CSMD1: variants seen among roughly 807,000 people sequenced by gnomAD.
CSMD1 encodes CUB and Sushi multiple domains 1, also known as CUB and sushi domain-containing protein 1.
Under a neutral mutation model 417.5 loss-of-function variants are expected in CSMD1, and 213 were observed. The ratio of observed to expected loss-of-function variants is 0.51; its 90% CI spans 0.46 to 0.57. The LOEUF is 0.57. Ranked by LOEUF, CSMD1 falls within the 20% of genes least tolerant of loss-of-function variation. The pLI is 0.00. For missense variants in CSMD1, 6,923 were observed against 4,529.7 expected (o/e 1.53, Z -15.17); for synonymous variants, 2,862 against 1,736.8 (o/e 1.65, Z -16.11).
chr8:3,277,093 A>G (rs771536737), intron 26 of CSMD1, among the ~76,000 whole-genome samples: 1 of 152,100 alleles, frequency 6.6e-6, no homozygotes, highest in South Asian at 2.1e-4. Context: ...TGTAACAGGA[A>G]CACACATCCA....
intron 5 of CSMD1, among the ~76,000 whole-genome samples, chr8:3,791,642 G>A (rs1211315742): frequency 6.6e-6 from 1 of 152,090 alleles, no homozygotes; most frequent in Non-Finnish European, 1.5e-5. Context: ...TGGTCAGCAT[G>A]GCAAAAACCC....
chr8:3,014,008 G>C (rs1808630490), intron 52 of CSMD1, among the ~76,000 whole-genome samples: 1 of 152,040 alleles, frequency 6.6e-6, no homozygotes, highest in Non-Finnish European at 1.5e-5. Flanking sequence ...TCTACACTAT[G>C]AACTCAGAAT....
At chr8:4,977,026 TTA>T (rs1336267630) in intron 1 of CSMD1, among the ~76,000 whole-genome samples, 1 of 152,188 alleles carries the variant, frequency 6.6e-6, no homozygotes, top group Non-Finnish European at 1.5e-5. Flanking sequence ...ACTGACCATA[TTA>T]TGTGTTGGCA....
At chr8:4,687,089 G>C (rs1385016993) in intron 1 of CSMD1, among the ~76,000 whole-genome samples, 1 of 152,224 alleles carries the variant, frequency 6.6e-6, no homozygotes, top group African/African-American at 2.4e-5. Flanking sequence ...CCCCTGTGCA[G>C]GCTAACTCTG....
chr8:4,360,775 T>C (rs1801711491), intron 3 of CSMD1, among the ~76,000 whole-genome samples: 2 of 151,712 alleles, frequency 1.3e-5, no homozygotes, highest in South Asian at 4.1e-4. Flanking sequence ...ACTACAGGTG[T>C]GAGCCACTGC....
At chr8:4,302,272 G>T (rs1008035484) in intron 3 of CSMD1, among the ~76,000 whole-genome samples, 1 of 152,270 alleles carries the variant, frequency 6.6e-6, no homozygotes. Context: ...TGGGAAAATA[G>T]GTAAGAGATA....
chr8:4,820,156 G>T (rs1369111790), intron 1 of CSMD1, among the ~76,000 whole-genome samples: 1 of 152,088 alleles, frequency 6.6e-6, no homozygotes, highest in African/African-American at 2.4e-5. Flanking sequence ...TCTGTGAAGG[G>T]AGAGCTACTC....
chr8:2,990,157 G>C (rs989464089), intron 54 of CSMD1, among the ~76,000 whole-genome samples: 5 of 152,216 alleles, frequency 3.3e-5, no homozygotes, highest in African/African-American at 1.2e-4. Context: ...ACAAGGAAGA[G>C]AAAAGAGTTT....
At chr8:3,130,348 C>T (rs557890094) in intron 41 of CSMD1, among the ~76,000 whole-genome samples, 6 of 152,150 alleles carry the variant, frequency 3.9e-5, no homozygotes, top group Admixed American at 1.3e-4. Context: ...TACAGCCAGA[C>T]GAGGCGATGC....
chr8:3,594,247 A>G (rs1800989890), intron 8 of CSMD1, among the ~76,000 whole-genome samples: 1 of 152,192 alleles, frequency 6.6e-6, no homozygotes, highest in Non-Finnish European at 1.5e-5. Flanking sequence ...ATGAGCTGCT[A>G]GTGTAAGAGA....
intron 6 of CSMD1, among the ~76,000 whole-genome samples, chr8:3,709,198 C>G (rs182194964): frequency 1.3e-5 from 2 of 148,352 alleles, no homozygotes; most frequent in East Asian, 4.0e-4. Context: ...GGGGATGCAT[C>G]TTGTGATTAT....
At position 4,388,974 on chromosome 8, in the gene CSMD1, G is replaced by C. The variant is rs930890728; in HGVS notation, c.415+30979C>G. 4.6e-5 allele frequency among the ~76,000 whole-genome samples: 7 copies of C among 152,234 alleles called. No homozygotes were observed. The East Asian group carries it at 1.2e-3, about 25-fold the overall frequency. On this transcript the variant is annotated intron_variant, in intron 3 of 69. Transcript: ENST00000635120. Reference sequence around the variant, plus strand: ...TCTACGTCTCTTACCTCACACACTTGTAACATAACATGTTCTTTGTAATTG... The same window carrying C: ...TCTACGTCTCTTACCTCACACACTTCTAACATAACATGTTCTTTGTAATTG...
intron 44 of CSMD1, among the ~76,000 whole-genome samples, chr8:3,108,046 T>C (rs978593431): frequency 1.3e-5 from 2 of 152,214 alleles, no homozygotes; most frequent in African/African-American, 4.8e-5. Context: ...ACCATTTAAA[T>C]AAACACACTT....
intron 5 of CSMD1, among the ~76,000 whole-genome samples, chr8:3,814,739 G>C (rs1801281597): frequency 6.6e-6 from 1 of 152,276 alleles, no homozygotes; most frequent in Non-Finnish European, 1.5e-5. Flanking sequence ...ACTTAGGTAT[G>C]AATCCACAAC....
In CSMD1 at chr8:4,815,149, T is replaced by C. The variant is rs559724961; in HGVS notation, c.86-177591A>G. ...CATCTAGGTCAATATCAGGAAGAGT[T>C]GGAACGTGTAATAATGAATGTCTCC... On this transcript the variant is annotated intron_variant, in intron 1 of 69. Transcript: ENST00000635120. Among the ~76,000 whole-genome samples, 422 of 152,240 alleles carry C rather than the reference T, an allele frequency of 2.8e-3. 1 individual carries two copies. The highest frequency in any genetic ancestry group is 6.1e-3 in the Admixed American group (93 of 15,302).
chr8:3,448,571 G>C (rs978211360), intron 12 of CSMD1, among the ~76,000 whole-genome samples: 4 of 152,088 alleles, frequency 2.6e-5, no homozygotes, highest in Admixed American at 2.0e-4. Flanking sequence ...GTTTGTAGGA[G>C]TTGCTGTAAG....
At chr8:4,053,748 C>G (rs1156417626) in intron 3 of CSMD1, among the ~76,000 whole-genome samples, 4 of 152,038 alleles carry the variant, frequency 2.6e-5, no homozygotes, top group African/African-American at 9.7e-5. Flanking sequence ...TGAATTTCCT[C>G]TGGATATGAT....
intron 1 of CSMD1, among the ~76,000 whole-genome samples, chr8:4,977,474 C>T (rs1051968318): frequency 1.3e-5 from 2 of 152,274 alleles, no homozygotes; most frequent in East Asian, 1.9e-4. Context: ...GAAAGAAGGT[C>T]TCATCTCTTC....
At chr8:3,993,809 T>C (rs1814944795) in intron 5 of CSMD1, among the ~76,000 whole-genome samples, 1 of 152,210 alleles carries the variant, frequency 6.6e-6, no homozygotes, top group African/African-American at 2.4e-5. Flanking sequence ...TTTGTTTCAC[T>C]TGCATTATTT....
Sources: allele counts gnomAD v4.1 joint callset (sites outside exome capture counted in the v4.1 genomes callset), GRCh38; gene constraint gnomAD v4.1.1; transcripts MANE v1.5; gene names NCBI Gene and HGNC (gene_info 2026-07-23, HGNC 2026-07-21).